MAN1A2: variants seen among roughly 807,000 people sequenced by gnomAD.
MAN1A2 encodes the protein mannosyl-oligosaccharide 1,2-alpha-mannosidase IB.
MAN1A2 carries 26 observed loss-of-function variants against 75.7 expected under a neutral mutation model. The observed-to-expected ratio is 0.34, with a 90% CI of 0.25 to 0.48. The LOEUF (loss-of-function observed/expected upper bound fraction) is 0.48, where lower values mean the gene tolerates loss of function less well. Among genes scored for constraint, MAN1A2 ranks in the 20% least tolerant of loss-of-function variants. The pLI, the probability that MAN1A2 is intolerant of heterozygous loss-of-function variation, is 0.99. For missense variants in MAN1A2, 562 were observed against 775.5 expected, an observed-to-expected ratio of 0.72 and a Z score of 3.27; for synonymous variants, 247 against 264.6, an observed-to-expected ratio of 0.93 and a Z score of 0.65.
chr1:117,394,940 G>GAA (rs1158610684), intron 1 of MAN1A2, among the ~76,000 whole-genome samples: 1 of 152,134 alleles, frequency 6.6e-6, no homozygotes, highest in Non-Finnish European at 1.5e-5. Context: ...AGTAGAGAAG[G>GAA]AAAGAGTGAA....
intron 6 of MAN1A2, among the ~76,000 whole-genome samples, chr1:117,444,766 C>T (rs1328906700): frequency 1.3e-5 from 2 of 151,872 alleles, no homozygotes; most frequent in Non-Finnish European, 2.9e-5. Flanking sequence ...ATTAATTCTC[C>T]TCTCTCTACT....
intron 1 of MAN1A2, among the ~76,000 whole-genome samples, chr1:117,381,612 T>C (rs1653337815): frequency 1.3e-5 from 2 of 152,176 alleles, no homozygotes; most frequent in African/African-American, 4.8e-5. Flanking sequence ...TGGTTCCAAG[T>C]CTTTGCTATT....
chr1:117,448,721 A>G (rs1045418273), intron 6 of MAN1A2, among the ~76,000 whole-genome samples: 4 of 152,154 alleles, frequency 2.6e-5, no homozygotes, highest in African/African-American at 7.2e-5. Context: ...CCAGTGACCT[A>G]TGGGGCAGTG....
At chr1:117,417,534 A>AATATATATATATGTAT (rs1553232782) in intron 4 of MAN1A2, among the ~76,000 whole-genome samples, 6 of 89,206 alleles carry the variant, frequency 6.7e-5, no homozygotes, top group African/African-American at 2.7e-4. Flanking sequence ...CTTGAGTTTA[A>AATATATATATATGTAT]ATATATATAT....
rs771401294 is a variant in MAN1A2 at position 117,526,540 on chromosome 1, A to G, written c.*3583A>G. The G allele has an allele frequency of 5.9e-5, 9 of 151,860 alleles. No individual in the cohort carries two copies. Among genetic ancestry groups the G allele is most frequent in the Non-Finnish European group, 1.2e-4 (8 of 67,766 alleles). 9.4% of individuals were successfully genotyped at this position (151,860 alleles called of 1,614,324 possible). A position where few individuals can be genotyped will look rare whatever the true frequency, so the allele number is the denominator to read the frequency against. Reference sequence around the variant, plus strand: ...CAACTTTGACTAAAATATTTACTTTAGAAATAAAAACGTTCTTATTTTGCT... The same window carrying G: ...CAACTTTGACTAAAATATTTACTTTGGAAATAAAAACGTTCTTATTTTGCT... On this transcript the variant is annotated 3_prime_UTR_variant, in exon 13 of 13. Coordinates refer to ENST00000356554, the MANE Select transcript of MAN1A2 (RefSeq NM_006699.5).
chr1:117,477,836 A>T (rs938645155), intron 8 of MAN1A2, among the ~76,000 whole-genome samples: 18 of 152,042 alleles, frequency 1.2e-4, no homozygotes, highest in African/African-American at 3.6e-4. Context: ...GAAGAGAGGA[A>T]GTCAAATTCT....
At chr1:117,446,821 A>C (rs1414274579) in intron 6 of MAN1A2, among the ~76,000 whole-genome samples, 1 of 152,100 alleles carries the variant, frequency 6.6e-6, no homozygotes, top group Non-Finnish European at 1.5e-5. Context: ...ATATCTTTCC[A>C]GATTTTTTTT....
At chr1:117,410,000 T>C (rs999116960) in intron 3 of MAN1A2, among the ~76,000 whole-genome samples, 4 of 152,008 alleles carry the variant, frequency 2.6e-5, no homozygotes, top group Non-Finnish European at 5.9e-5. Flanking sequence ...TAAAATAGTA[T>C]ATAATATTTG....
At chr1:117,504,315 T>G (rs1570798332) in intron 12 of MAN1A2, among the ~76,000 whole-genome samples, 1 of 87,878 alleles carries the variant, frequency 1.1e-5, no homozygotes, top group African/African-American at 2.9e-5. Context: ...ATCTCTCCTG[T>G]TTTTTTTTTT....
chr1:117,373,247 C>G (rs1267187288), intron 1 of MAN1A2, among the ~76,000 whole-genome samples: 2 of 151,970 alleles, frequency 1.3e-5, no homozygotes, highest in African/African-American at 4.8e-5. Context: ...TGTCTCATCC[C>G]TCTTCTGGAC....
chr1:117,499,317 A>G, intron 10 of MAN1A2, 65 bp from the exon 11 acceptor site: 1 of 1,186,914 alleles, frequency 8.4e-7, no homozygotes, highest in Non-Finnish European at 1.1e-6. Flanking sequence ...CAGGGAAGAA[A>G]GAAGTCCTTG....
At chr1:117,376,143 C>A (rs893863548) in intron 1 of MAN1A2, among the ~76,000 whole-genome samples, 4 of 152,184 alleles carry the variant, frequency 2.6e-5, no homozygotes, top group African/African-American at 9.7e-5. Flanking sequence ...ATCTCCTGAC[C>A]TCGTGATCCG....
At chr1:117,500,257 C>T (rs775747667) in intron 11 of MAN1A2, among the ~76,000 whole-genome samples, 1 of 151,864 alleles carries the variant, frequency 6.6e-6, no homozygotes, top group Non-Finnish European at 1.5e-5. Context: ...ACTCCCTCCC[C>T]GTAATACACA....
At position 117,528,124 on chromosome 1, in the gene MAN1A2, A is replaced by G. The variant is rs1346047891; in HGVS notation, c.*5167A>G. ...CTCATCCTTAAACTTCCACTATTTAACAGCTAATCCATTTCAAACTTGGTT... is the reference window on the plus strand; with the variant it reads ...CTCATCCTTAAACTTCCACTATTTAGCAGCTAATCCATTTCAAACTTGGTT... On this transcript the variant is annotated 3_prime_UTR_variant, in exon 13 of 13. Coordinates refer to ENST00000356554, the MANE Select transcript of MAN1A2 (RefSeq NM_006699.5). The G allele has an allele frequency of 6.6e-6, 1 of 152,090 alleles. No homozygotes were observed. Among genetic ancestry groups the G allele is most frequent in the Admixed American group, 6.6e-5 (1 of 15,230 alleles). The allele number at this position is 152,090 out of a possible 1,614,324, so 9.4% of individuals were successfully genotyped here. A position where few individuals can be genotyped will look rare whatever the true frequency, so the allele number is the denominator to read the frequency against.
chr1:117,505,248 T>C (rs72691730), intron 12 of MAN1A2, among the ~76,000 whole-genome samples: 11,537 of 151,464 alleles, frequency 0.076, 499 homozygotes, highest in Middle Eastern at 0.15. Flanking sequence ...ATTTCACCTC[T>C]TTGCAGACTG....
intron 4 of MAN1A2, among the ~76,000 whole-genome samples, chr1:117,419,440 G>A (rs1183242478): frequency 6.6e-6 from 1 of 151,962 alleles, no homozygotes; most frequent in African/African-American, 2.4e-5. Context: ...AATATATGAA[G>A]TAATATTAAG....
intron 12 of MAN1A2, among the ~76,000 whole-genome samples, chr1:117,511,752 G>A (rs1651542352): frequency 6.6e-6 from 1 of 152,008 alleles, no homozygotes; most frequent in Admixed American, 6.6e-5. Flanking sequence ...ATTTCAAATT[G>A]TTCCCTTACT....
chr1:117,372,950 G>A (rs1298947304), intron 1 of MAN1A2, among the ~76,000 whole-genome samples: 2 of 152,062 alleles, frequency 1.3e-5, no homozygotes, highest in African/African-American at 4.8e-5. Context: ...TTCCTCAAAG[G>A]CATTGGAGTT....
intron 5 of MAN1A2, among the ~76,000 whole-genome samples, chr1:117,425,677 TAGA>T (rs1214715575): frequency 1.3e-5 from 2 of 152,146 alleles, no homozygotes; most frequent in Non-Finnish European, 2.9e-5. Flanking sequence ...TGCAGCAAAC[TAGA>T]AGTAGAAGGG....
Sources: gnomAD v4.1 joint callset for allele counts (sites outside exome capture counted in the v4.1 genomes callset) on GRCh38, gnomAD v4.1.1 for gene constraint, MANE v1.5 for transcripts, NCBI Gene and HGNC (gene_info 2026-07-23, HGNC 2026-07-21) for gene names.